Variants in SPOCK3 observed in about 807,000 individuals in gnomAD.
SPOCK3 encodes the protein SPARC (osteonectin), cwcv and kazal like domains proteoglycan 3.
SPOCK3 carries 30 observed loss-of-function variants against 56.6 expected under a neutral mutation model. The ratio of observed to expected loss-of-function variants is 0.53; its 90% CI spans 0.40 to 0.72. The LOEUF is 0.72. SPOCK3 is among the 30% of genes least tolerant of loss of function. SPOCK3 has a pLI of 0.00. For synonymous variants in SPOCK3, 196 were observed against 183.3 expected (o/e 1.07, Z -0.56); for missense variants, 527 against 530.0 (o/e 0.99, Z 0.06).
At chr4:166,914,235 T>TAA (rs77771162) in intron 4 of SPOCK3, among the ~76,000 whole-genome samples, 3 of 148,158 alleles carry the variant, frequency 2.0e-5, no homozygotes, top group Non-Finnish European at 4.5e-5. Context: ...AGGATTGTAG[T>TAA]AAAAAAAAAA....
intron 2 of SPOCK3, among the ~76,000 whole-genome samples, chr4:167,089,151 G>A (rs551568851): frequency 5.9e-4 from 90 of 152,120 alleles, no homozygotes; most frequent in South Asian, 2.9e-3. Context: ...ATATATATGT[G>A]TGTGTACATA....
intron 7 of SPOCK3, among the ~76,000 whole-genome samples, chr4:166,762,663 G>A (rs1737404083): frequency 6.6e-6 from 1 of 152,026 alleles, no homozygotes; most frequent in South Asian, 2.1e-4. Context: ...CCAGGAGCTA[G>A]GAATTCACCA....
intron 4 of SPOCK3, among the ~76,000 whole-genome samples, chr4:166,960,184 T>C (rs1220162996): frequency 6.6e-6 from 1 of 152,228 alleles, no homozygotes; most frequent in African/African-American, 2.4e-5. Context: ...ATTTTATTTA[T>C]CTTAATTTGG....
intron 6 of SPOCK3, among the ~76,000 whole-genome samples, chr4:166,852,633 T>C (rs1730245284): frequency 6.6e-6 from 1 of 152,202 alleles, no homozygotes; most frequent in Non-Finnish European, 1.5e-5. Context: ...CTTTCCTTCC[T>C]CAAAGTGTTT....
chr4:167,205,530 T>G lies in SPOCK3; in HGVS notation c.189+28455A>C, dbSNP rs1279252899. The stretch of plus-strand genomic sequence containing the variant: ...TATATAATATATATTATATATATTA[T>G]TATATAATATATATTATATAATATA... On this transcript the variant is annotated intron_variant, in intron 2 of 10. Coordinates refer to ENST00000357545, the MANE Select transcript of SPOCK3 (RefSeq NM_001040159.2). Among the ~76,000 whole-genome samples the G allele has an allele frequency of 8.8e-4, 53 of 60,206 alleles. 1 individual carries two copies. Among genetic ancestry groups the G allele is most frequent in the Non-Finnish European group, 4.4e-4 (16 of 36,390 alleles). The allele number at this position is 60,206 out of a possible 152,430, so 39.5% of individuals were successfully genotyped here.
intron 6 of SPOCK3, among the ~76,000 whole-genome samples, chr4:166,849,368 T>C (rs984327675): frequency 6.6e-6 from 1 of 152,130 alleles, no homozygotes; most frequent in African/African-American, 2.4e-5. Flanking sequence ...CTATAGTGGA[T>C]TGTCTTATTT....
chr4:167,078,581 TC>T (rs1475972487), intron 2 of SPOCK3, among the ~76,000 whole-genome samples: 5 of 151,726 alleles, frequency 3.3e-5, no homozygotes, highest in Non-Finnish European at 4.4e-5. Context: ...TAACATATTT[TC>T]ATGAGTCCTT....
At chr4:166,963,955 T>C (rs577848479) in intron 4 of SPOCK3, among the ~76,000 whole-genome samples, 4 of 151,940 alleles carry the variant, frequency 2.6e-5, no homozygotes, top group African/African-American at 9.6e-5. Flanking sequence ...AGTCTCAGGA[T>C]GCAAAGATTA....
intron 7 of SPOCK3, among the ~76,000 whole-genome samples, chr4:166,765,501 G>A (rs1226296417): frequency 6.6e-6 from 1 of 152,062 alleles, no homozygotes; most frequent in African/African-American, 2.4e-5. Context: ...GGTTGTAGAT[G>A]TGTGGTATTA....
At chr4:167,004,456 C>G (rs1749267534) in intron 3 of SPOCK3, among the ~76,000 whole-genome samples, 1 of 152,160 alleles carries the variant, frequency 6.6e-6, no homozygotes, top group Admixed American at 6.5e-5. Context: ...GAGATGGAAG[C>G]TTCTTAGCCT....
intron 6 of SPOCK3, among the ~76,000 whole-genome samples, chr4:166,876,551 A>C (rs960422608): frequency 3.3e-5 from 5 of 152,200 alleles, no homozygotes; most frequent in Admixed American, 3.3e-4. Flanking sequence ...ATAATGTTGA[A>C]TAGATGATCC....
intron 6 of SPOCK3, among the ~76,000 whole-genome samples, chr4:166,825,841 T>C (rs1312260423): frequency 1.3e-5 from 2 of 151,978 alleles, no homozygotes; most frequent in Non-Finnish European, 2.9e-5. Context: ...AGCTAAGCTA[T>C]AAGGATGCAA....
At chr4:166,855,595 GA>G (rs200749455) in intron 6 of SPOCK3, among the ~76,000 whole-genome samples, 3 of 150,480 alleles carry the variant, frequency 2.0e-5, no homozygotes, top group Non-Finnish European at 4.5e-5. Flanking sequence ...CAGGAAAAAA[GA>G]AAAAAAACAA....
Position 167,015,914 on chromosome 4 carries a change from T to TA in SPOCK3, c.236-15452dup, listed in dbSNP as rs776947989. Among the ~76,000 whole-genome samples, 21 of 152,302 alleles carry TA rather than the reference T, an allele frequency of 1.4e-4. No individual in the cohort carries two copies. The South Asian group carries it at 2.3e-3, about 17-fold the overall frequency. Reference sequence around the variant, plus strand: ...CTTTAACATTGATCTATCAGATTAATAGTTTGCCATATCTGGTGAGCTAAT... The same window carrying TA: ...CTTTAACATTGATCTATCAGATTAATAAGTTTGCCATATCTGGTGAGCTAAT... On this transcript the variant is annotated intron_variant, in intron 3 of 10. Transcript: ENST00000357545.
chr4:167,165,944 G>T (rs192560448), intron 2 of SPOCK3, among the ~76,000 whole-genome samples: 195 of 151,976 alleles, frequency 1.3e-3, no homozygotes, highest in Middle Eastern at 3.4e-3. Flanking sequence ...TTAAAAAAAA[G>T]AAAATCTTTA....
intron 6 of SPOCK3, among the ~76,000 whole-genome samples, chr4:166,793,567 G>T (rs1302645489): frequency 6.6e-6 from 1 of 151,882 alleles, no homozygotes; most frequent in Admixed American, 6.5e-5. Context: ...GGACAAGCTT[G>T]CTCTAAAGGA....
At chr4:166,788,767 A>C (rs903617511) in intron 7 of SPOCK3, among the ~76,000 whole-genome samples, 2 of 151,850 alleles carry the variant, frequency 1.3e-5, no homozygotes, top group Admixed American at 6.6e-5. Flanking sequence ...TTTTTAAAAA[A>C]CTATAGTGCT....
At chr4:166,989,151 A>C (rs1747501122) in intron 4 of SPOCK3, among the ~76,000 whole-genome samples, 1 of 152,072 alleles carries the variant, frequency 6.6e-6, no homozygotes, top group Non-Finnish European at 1.5e-5. Flanking sequence ...GTGGGATTTC[A>C]AAGCCTCCCA....
intron 6 of SPOCK3, among the ~76,000 whole-genome samples, chr4:166,874,669 A>T (rs1732893039): frequency 1.3e-5 from 2 of 152,186 alleles, no homozygotes. Context: ...TACAGGAATC[A>T]AGTGACTCCC....
Sources: allele counts gnomAD v4.1 joint callset (sites outside exome capture counted in the v4.1 genomes callset), GRCh38; gene constraint gnomAD v4.1.1; transcripts MANE v1.5; gene names NCBI Gene and HGNC (gene_info 2026-07-23, HGNC 2026-07-21).